PTPN13: variants seen among roughly 807,000 people sequenced by gnomAD.
PTPN13 encodes the protein protein tyrosine phosphatase non-receptor type 13.
PTPN13 carries 191 observed loss-of-function variants against 284.0 expected under a neutral mutation model. The ratio of observed to expected loss-of-function variants is 0.67; its 90% CI spans 0.60 to 0.76. The LOEUF (loss-of-function observed/expected upper bound fraction) is 0.76, where lower values mean the gene tolerates loss of function less well. Among genes scored for constraint, PTPN13 ranks in the 30% least tolerant of loss-of-function variants. The pLI is 0.00. For synonymous variants in PTPN13, 986 were observed against 1,022.3 expected (o/e 0.96, Z 0.68); for missense variants, 2,797 against 2,939.9 (o/e 0.95, Z 1.12).
At chr4:86,682,437 T>C (rs1441952724) in intron 3 of PTPN13, among the ~76,000 whole-genome samples, 2 of 152,202 alleles carry the variant, frequency 1.3e-5, no homozygotes, top group African/African-American at 4.8e-5. Flanking sequence ...TTTTTTTTTT[T>C]TTAACTTGTA....
chr4:86,767,402 C>T (rs780026959), intron 27 of PTPN13, among the ~76,000 whole-genome samples: 1 of 151,876 alleles, frequency 6.6e-6, no homozygotes, highest in Non-Finnish European at 1.5e-5. Context: ...CCCACCACGA[C>T]ACCTGGCTAA....
At chr4:86,680,011 C>G (rs563650126) in intron 3 of PTPN13, among the ~76,000 whole-genome samples, 33 of 152,158 alleles carry the variant, frequency 2.2e-4, no homozygotes, top group Non-Finnish European at 4.0e-4. Flanking sequence ...CTTAACCTCT[C>G]CATGTCTTAG....
rs186651516 is a variant in PTPN13, at chr4:86,666,917, C to T, written c.116-5448C>T. 1.3e-3 allele frequency among the ~76,000 whole-genome samples: 199 copies of T among 152,318 alleles called. 1 individual carries two copies. The highest frequency in any genetic ancestry group is 2.2e-3 in the Admixed American group (34 of 15,296). On this transcript the variant is annotated intron_variant, in intron 2 of 47. Coordinates refer to ENST00000411767, the MANE Select transcript of PTPN13 (RefSeq NM_080683.3). Reference sequence around the variant, plus strand: ...CCGCCATTTTGAACATGCCTAGTCCCAGGTAACCTTTTCCTATTGGCACAG... The same window carrying T: ...CCGCCATTTTGAACATGCCTAGTCCTAGGTAACCTTTTCCTATTGGCACAG...
At chr4:86,686,194 T>A (rs1395938170) in intron 3 of PTPN13, among the ~76,000 whole-genome samples, 1 of 152,142 alleles carries the variant, frequency 6.6e-6, no homozygotes, top group Non-Finnish European at 1.5e-5. Context: ...AAACCCCATC[T>A]CTACTTAAAA....
chr4:86,704,176 C>T (rs542829509), intron 7 of PTPN13, among the ~76,000 whole-genome samples: 1 of 152,206 alleles, frequency 6.6e-6, no homozygotes, highest in East Asian at 1.9e-4. Flanking sequence ...AAGAGCGAAA[C>T]TCCGTCTCAA....
chr4:86,622,532 A>G (rs1441495554), intron 1 of PTPN13, among the ~76,000 whole-genome samples: 1 of 152,206 alleles, frequency 6.6e-6, no homozygotes, highest in Non-Finnish European at 1.5e-5. Flanking sequence ...TTAAAAATAT[A>G]ACCAATAACG....
At chr4:86,796,481 A>G (rs1053528210) in intron 40 of PTPN13, among the ~76,000 whole-genome samples, 1 of 152,136 alleles carries the variant, frequency 6.6e-6, no homozygotes, top group East Asian at 1.9e-4. Flanking sequence ...CAGAAAAAAA[A>G]AAATTTTTAA....
intron 36 of PTPN13, among the ~76,000 whole-genome samples, chr4:86,781,687 T>A (rs1304441440): frequency 6.6e-6 from 1 of 152,082 alleles, no homozygotes; most frequent in Non-Finnish European, 1.5e-5. Context: ...TTTTAAGAAA[T>A]TAGCTTTTTC....
chr4:86,784,414 T>C lies in PTPN13; in HGVS notation c.6025-51T>C, dbSNP rs553433878. The C allele has an allele frequency of 2.6e-5, 34 of 1,291,922 alleles. No individual in the cohort carries two copies. In the South Asian group the frequency reaches 4.1e-4, roughly 16 times the overall value. The allele number at this position is 1,291,922 out of a possible 1,614,324, so 80.0% of individuals were successfully genotyped here. ...GAGACAATGTGCAGTCCCCCGATCC[T>C]GGAAGTTAGTAAAATACTATCTGAT... is the stretch of plus-strand genomic sequence containing the variant. On this transcript the variant is annotated intron_variant, in intron 37 of 47. Coordinates refer to ENST00000411767, the MANE Select transcript of PTPN13 (RefSeq NM_080683.3).
chr4:86,784,580 C>A (rs1565571872), intron 38 of PTPN13, 22 bp downstream of exon 38: 3 of 1,474,698 alleles, frequency 2.0e-6, no homozygotes, highest in Non-Finnish European at 1.9e-6. Context: ...AATCAGTCAT[C>A]TAATTACTCT....
chr4:86,608,214 T>G (rs1265102788), intron 1 of PTPN13, among the ~76,000 whole-genome samples: 2 of 152,110 alleles, frequency 1.3e-5, no homozygotes, highest in Non-Finnish European at 2.9e-5. Flanking sequence ...TATAAAGATT[T>G]GTATAGGGAG....
intron 40 of PTPN13, among the ~76,000 whole-genome samples, chr4:86,793,620 C>A (rs1030773387): frequency 1.3e-5 from 2 of 152,168 alleles, no homozygotes; most frequent in Non-Finnish European, 2.9e-5. Context: ...CACTACTCAG[C>A]AAATGTAAAA....
chr4:86,665,472 A>G (rs1578371039), intron 2 of PTPN13, among the ~76,000 whole-genome samples: 1 of 152,202 alleles, frequency 6.6e-6, no homozygotes, highest in Non-Finnish European at 1.5e-5. Flanking sequence ...GTTAATGACT[A>G]TGTATAGTAA....
At chr4:86,802,502 C>T (rs1744145578) in intron 42 of PTPN13, among the ~76,000 whole-genome samples, 1 of 151,994 alleles carries the variant, frequency 6.6e-6, no homozygotes, top group South Asian at 2.1e-4. Context: ...ACAACATAAA[C>T]TCCTTTAGAA....
Position 86,807,606 on chromosome 4 carries a change from T to G in PTPN13, c.6792T>G (p.Asn2264Lys). 1 of 1,613,884 alleles carries G rather than the reference T, an allele frequency of 6.2e-7. No individual in the cohort carries two copies. The highest frequency in any genetic ancestry group is 8.5e-7 in the Non-Finnish European group (1 of 1,179,838). The part of the protein sequence containing the change: ...VPLGDEGGYI[N>K]ASFIKIPVGK... The stretch of plus-strand genomic sequence containing the variant: ...TTGGAGATGAAGGTGGCTATATCAA[T>G]GCCAGCTTCATTAAGATACCAGTTG... The change falls in exon 45 of 48, where the codon AAT becomes AAG. Residue 2264 changes from asparagine (N) to lysine (K), a missense_variant. Asn to Lys is a moderately conservative substitution (Grantham distance 94, BLOSUM62 0). Coordinates refer to ENST00000411767, the MANE Select transcript of PTPN13 (RefSeq NM_080683.3).
chr4:86,615,386 A>G (rs1381480962), intron 1 of PTPN13, among the ~76,000 whole-genome samples: 2 of 152,110 alleles, frequency 1.3e-5, no homozygotes, highest in African/African-American at 2.4e-5. Flanking sequence ...GCACAGGTAC[A>G]TAGTGTTCTT....
intron 27 of PTPN13, among the ~76,000 whole-genome samples, chr4:86,766,946 G>C (rs759482313): frequency 6.6e-6 from 1 of 152,086 alleles, no homozygotes; most frequent in African/African-American, 2.4e-5. Flanking sequence ...TTGAGACAGG[G>C]TGTTGCTGTG....
chr4:86,782,587 AATAAT>A, intron 37 of PTPN13, among the ~76,000 whole-genome samples: 1 of 152,350 alleles, frequency 6.6e-6, no homozygotes, highest in Non-Finnish European at 1.5e-5. Flanking sequence ...GGAAGAGAAG[AATAAT>A]ATAATTAAGA....
chr4:86,604,523 A>G (rs1764584678), intron 1 of PTPN13, among the ~76,000 whole-genome samples: 1 of 151,954 alleles, frequency 6.6e-6, no homozygotes, highest in African/African-American at 2.4e-5. Context: ...ATTGTTTTAT[A>G]TGTAAGATCT....
Sources: allele counts gnomAD v4.1 joint callset (sites outside exome capture counted in the v4.1 genomes callset), GRCh38; gene constraint gnomAD v4.1.1; transcripts MANE v1.5; gene names NCBI Gene and HGNC (gene_info 2026-07-23, HGNC 2026-07-21).